Variants in KIAA1217 observed in about 807,000 individuals in gnomAD.
KIAA1217 encodes sickle tail protein homolog.
Under a neutral mutation model 163.9 loss-of-function variants are expected in KIAA1217, and 88 were observed. That is an observed-to-expected ratio of 0.54 (90% CI 0.45 to 0.64). The LOEUF (loss-of-function observed/expected upper bound fraction) is 0.64, where lower values mean the gene tolerates loss of function less well. KIAA1217 is among the 30% of genes least tolerant of loss of function. The pLI is 0.00. For missense variants in KIAA1217, 2,372 were observed against 2,475.0 expected (o/e 0.96, Z 0.88); for synonymous variants, 903 against 923.1 (o/e 0.98, Z 0.39).
chr10:23,959,310 G>T (rs1844715074), intron 1 of KIAA1217, among the ~76,000 whole-genome samples: 1 of 152,046 alleles, frequency 6.6e-6, no homozygotes, highest in South Asian at 2.1e-4. Flanking sequence ...CAGGAGGATT[G>T]TTTGAGGCTA....
At chr10:23,988,282 T>C (rs1258837825) in intron 1 of KIAA1217, among the ~76,000 whole-genome samples, 1 of 152,242 alleles carries the variant, frequency 6.6e-6, no homozygotes, top group African/African-American at 2.4e-5. Flanking sequence ...GTCTGGGCTT[T>C]AGCAGATGTG....
At chr10:23,697,841 CA>C (rs1215122078) in intron 1 of KIAA1217, among the ~76,000 whole-genome samples, 2 of 151,502 alleles carry the variant, frequency 1.3e-5, no homozygotes, top group Non-Finnish European at 1.5e-5. Context: ...CGTGCCACTG[CA>C]CTCCAGCCTG....
chr10:24,197,892 C>T (rs150329483), intron 2 of KIAA1217, among the ~76,000 whole-genome samples: 1,837 of 152,310 alleles, frequency 0.012, 38 homozygotes, highest in African/African-American at 0.041. Flanking sequence ...AATGCATGGA[C>T]CTGACACCTG....
chr10:24,069,554 G>A (rs901558954), intron 2 of KIAA1217, among the ~76,000 whole-genome samples: 2 of 152,158 alleles, frequency 1.3e-5, no homozygotes, highest in Admixed American at 6.5e-5. Context: ...AAGAAACTGG[G>A]AGCTAGGAGA....
At chr10:23,983,073 G>A (rs1336157642) in intron 1 of KIAA1217, among the ~76,000 whole-genome samples, 3 of 151,888 alleles carry the variant, frequency 2.0e-5, no homozygotes, top group Non-Finnish European at 2.9e-5. Flanking sequence ...CATGTTCTAT[G>A]CATGGCAGAT....
chr10:24,120,059 C>T (rs1472511574), intron 2 of KIAA1217, among the ~76,000 whole-genome samples: 1 of 152,204 alleles, frequency 6.6e-6, no homozygotes, highest in Non-Finnish European at 1.5e-5. Context: ...AACATGATTC[C>T]TATGCGTCAT....
intron 1 of KIAA1217, among the ~76,000 whole-genome samples, chr10:23,893,439 C>A (rs536832251): frequency 5.9e-5 from 9 of 152,102 alleles, no homozygotes; most frequent in African/African-American, 1.9e-4. Flanking sequence ...TTTCAAAAAA[C>A]CAGCTCCTGG....
At chr10:23,828,386 G>T (rs78372080) in intron 1 of KIAA1217, among the ~76,000 whole-genome samples, 1,682 of 152,210 alleles carry the variant, frequency 0.011, 31 homozygotes, top group African/African-American at 0.039. Context: ...GGCAGAGTCT[G>T]GTTTGAGAGG....
intron 2 of KIAA1217, among the ~76,000 whole-genome samples, chr10:24,368,140 T>C (rs2051046547): frequency 6.6e-6 from 1 of 152,312 alleles, no homozygotes; most frequent in Non-Finnish European, 1.5e-5. Flanking sequence ...TTCTGATGAG[T>C]GTTTATCCTT....
At chr10:23,830,408 G>A (rs1242343540) in intron 1 of KIAA1217, among the ~76,000 whole-genome samples, 1 of 152,158 alleles carries the variant, frequency 6.6e-6, no homozygotes, top group Admixed American at 6.5e-5. Context: ...AGACGACCGT[G>A]TCCAGGGCTC....
chr10:23,751,480 A>T (rs571526533), intron 1 of KIAA1217, among the ~76,000 whole-genome samples: 1 of 152,290 alleles, frequency 6.6e-6, no homozygotes, highest in South Asian at 2.1e-4. Context: ...TGAGTCTTCT[A>T]GTTTTTACTT....
At chr10:23,795,484 C>G (rs1308583026) in intron 1 of KIAA1217, among the ~76,000 whole-genome samples, 1 of 152,148 alleles carries the variant, frequency 6.6e-6, no homozygotes, top group Non-Finnish European at 1.5e-5. Flanking sequence ...TTCTCAATGG[C>G]TTATAAGCAA....
intron 2 of KIAA1217, among the ~76,000 whole-genome samples, chr10:24,114,695 A>G (rs2062983225): frequency 6.6e-6 from 1 of 152,206 alleles, no homozygotes; most frequent in African/African-American, 2.4e-5. Context: ...TCTCAACAGC[A>G]CATCTGGAGA....
intron 1 of KIAA1217, among the ~76,000 whole-genome samples, chr10:23,881,521 G>T (rs925246789): frequency 1.3e-5 from 2 of 151,868 alleles, no homozygotes; most frequent in Non-Finnish European, 2.9e-5. Flanking sequence ...CACTTTAATT[G>T]TGCTAAATTG....
chr10:24,462,667 C>T (rs985824867), intron 5 of KIAA1217, among the ~76,000 whole-genome samples: 4 of 152,130 alleles, frequency 2.6e-5, no homozygotes, highest in African/African-American at 9.7e-5. Context: ...CATGAAATGT[C>T]ACAATTGAGA....
intron 2 of KIAA1217, among the ~76,000 whole-genome samples, chr10:24,311,268 G>A (rs2042661348): frequency 6.6e-6 from 1 of 152,142 alleles, no homozygotes. Flanking sequence ...GAGAACAATC[G>A]AGACTGGTTG....
At chr10:24,299,585 A>C (rs1160622254) in intron 2 of KIAA1217, among the ~76,000 whole-genome samples, 1 of 152,092 alleles carries the variant, frequency 6.6e-6, no homozygotes, top group African/African-American at 2.4e-5. Context: ...TTTTTTGTAG[A>C]GACAGAATCT....
At chr10:23,820,136 G>A (rs1300123958) in intron 1 of KIAA1217, among the ~76,000 whole-genome samples, 1 of 152,174 alleles carries the variant, frequency 6.6e-6, no homozygotes, top group Non-Finnish European at 1.5e-5. Flanking sequence ...CATCGTCAAA[G>A]AGTCTACATT....
In KIAA1217 at chr10:24,418,997, T is replaced by G. The variant is rs1040084142; in HGVS notation, c.554-13998T>G. ...TTTGAGACCATCCTGGCCAACATGG[T>G]GAAACCCTGTCTCTACTAAAAATAC... On this transcript the variant is annotated intron_variant, in intron 3 of 20. Coordinates refer to ENST00000376454, the MANE Select transcript of KIAA1217 (RefSeq NM_019590.5). Among the ~76,000 whole-genome samples, 3 of 151,918 alleles carry G rather than the reference T, an allele frequency of 2.0e-5. No homozygotes were observed. In the East Asian group the frequency reaches 5.8e-4, roughly 29 times the overall value.
Sources: allele counts gnomAD v4.1 joint callset (sites outside exome capture counted in the v4.1 genomes callset), GRCh38; gene constraint gnomAD v4.1.1; transcripts MANE v1.5; gene names NCBI Gene and HGNC (gene_info 2026-07-23, HGNC 2026-07-21).